CDYL2: variants seen among roughly 807,000 people sequenced by gnomAD.
CDYL2 encodes chromodomain Y like 2.
CDYL2 carries 23 observed loss-of-function variants against 49.4 expected under a neutral mutation model. The ratio of observed to expected loss-of-function variants is 0.47; its 90% CI spans 0.34 to 0.66. CDYL2 has a LOEUF of 0.66. Among genes scored for constraint, CDYL2 ranks in the 30% least tolerant of loss-of-function variants. The pLI is 0.01. For synonymous variants in CDYL2, 360 were observed against 268.8 expected, an observed-to-expected ratio of 1.34 and a Z score of -3.32; for missense variants, 678 against 656.4, an observed-to-expected ratio of 1.03 and a Z score of -0.36.
At chr16:80,724,220 G>C (rs1020713681) in intron 1 of CDYL2, among the ~76,000 whole-genome samples, 3 of 146,860 alleles carry the variant, frequency 2.0e-5, no homozygotes, top group Non-Finnish European at 4.5e-5. Flanking sequence ...AGAAGAAAGA[G>C]GAAGAGGAGG....
chr16:80,729,570 G>A (rs1172313712), intron 1 of CDYL2, among the ~76,000 whole-genome samples: 1 of 151,966 alleles, frequency 6.6e-6, no homozygotes. Context: ...AGGATACCCA[G>A]GAATTGAACT....
At chr16:80,620,686 T>C in intron 4 of CDYL2, 77 bp downstream of exon 4, 1 of 1,357,668 alleles carries the variant, frequency 7.4e-7, no homozygotes, top group African/African-American at 1.5e-5. Flanking sequence ...GAAATTCGAA[T>C]TTAACTGAGC....
intron 1 of CDYL2, among the ~76,000 whole-genome samples, chr16:80,743,399 G>T (rs538868283): frequency 1.3e-5 from 2 of 152,202 alleles, no homozygotes; most frequent in Non-Finnish European, 2.9e-5. Flanking sequence ...TTTATTTGCA[G>T]TCTAAATCTC....
At chr16:80,609,390 T>C (rs184667812) in intron 5 of CDYL2, among the ~76,000 whole-genome samples, 3 of 152,234 alleles carry the variant, frequency 2.0e-5, no homozygotes, top group Admixed American at 6.5e-5. Context: ...TCCAGAGCTA[T>C]GCGTAAGTTC....
intron 2 of CDYL2, among the ~76,000 whole-genome samples, chr16:80,641,091 C>A (rs942466182): frequency 6.6e-6 from 1 of 151,904 alleles, no homozygotes; most frequent in African/African-American, 2.4e-5. Flanking sequence ...TATCAATATC[C>A]AAGTACAAGA....
intron 2 of CDYL2, among the ~76,000 whole-genome samples, chr16:80,656,827 A>G (rs972996047): frequency 1.3e-5 from 2 of 152,148 alleles, no homozygotes; most frequent in Non-Finnish European, 2.9e-5. Flanking sequence ...GGGAGGGAAG[A>G]TGTGGGTTCT....
chr16:80,631,953 G>C (rs1047148979), intron 3 of CDYL2, among the ~76,000 whole-genome samples: 1 of 152,148 alleles, frequency 6.6e-6, no homozygotes, highest in South Asian at 2.1e-4. Context: ...ACGTAAAATG[G>C]GGGACCCACT....
intron 2 of CDYL2, chr16:80,662,848 C>G (rs368425292): frequency 1.9e-4 from 86 of 448,154 alleles, no homozygotes; most frequent in African/African-American, 1.5e-3. Flanking sequence ...TCTCAAATGT[C>G]TGGCTCCCTC....
At chr16:80,706,906 C>G (rs1345714002) in intron 1 of CDYL2, among the ~76,000 whole-genome samples, 2 of 152,158 alleles carry the variant, frequency 1.3e-5, no homozygotes, top group Non-Finnish European at 2.9e-5. Context: ...CCAACTGACT[C>G]AGGTCAATCA....
chr16:80,648,533 G>A (rs1051833501), intron 2 of CDYL2, among the ~76,000 whole-genome samples: 8 of 151,980 alleles, frequency 5.3e-5, no homozygotes, highest in African/African-American at 1.9e-4. Flanking sequence ...AGAAAAGTCT[G>A]GGACCCAATG....
intron 1 of CDYL2, among the ~76,000 whole-genome samples, chr16:80,749,993 C>T (rs1906074795): frequency 6.6e-6 from 1 of 151,820 alleles, no homozygotes; most frequent in Non-Finnish European, 1.5e-5. Context: ...GGACAGAAAA[C>T]CAAACACCAC....
At chr16:80,627,412 A>G (rs931220380) in intron 3 of CDYL2, 2 of 152,282 alleles carry the variant, frequency 1.3e-5, no homozygotes, top group Admixed American at 1.3e-4. Flanking sequence ...GAAAAAATAA[A>G]TAAAAGACCA....
chr16:80,790,276 T>C (rs899761914), intron 1 of CDYL2, among the ~76,000 whole-genome samples: 3 of 152,004 alleles, frequency 2.0e-5, no homozygotes, highest in African/African-American at 2.4e-5. Flanking sequence ...GCTACACAAA[T>C]GCCAAGGGGG....
At chr16:80,606,127 G>A (rs539442875) in intron 6 of CDYL2, among the ~76,000 whole-genome samples, 246 of 152,364 alleles carry the variant, frequency 1.6e-3, no homozygotes, top group Admixed American at 5.0e-3. Flanking sequence ...CAGACTGGGA[G>A]GGGCTGCACC....
chr16:80,636,449 A>G (rs1157430294), intron 2 of CDYL2, among the ~76,000 whole-genome samples: 1 of 152,214 alleles, frequency 6.6e-6, no homozygotes, highest in African/African-American at 2.4e-5. Flanking sequence ...CAAATACATG[A>G]AAAAAAGCTC....
intron 1 of CDYL2, among the ~76,000 whole-genome samples, chr16:80,792,987 G>A (rs1467386300): frequency 6.6e-6 from 1 of 152,200 alleles, no homozygotes; most frequent in Non-Finnish European, 1.5e-5. Context: ...AGAATCAGCT[G>A]AGATCTTAGT....
intron 2 of CDYL2, among the ~76,000 whole-genome samples, chr16:80,669,157 G>A (rs948701999): frequency 6.6e-6 from 1 of 151,762 alleles, no homozygotes; most frequent in Non-Finnish European, 1.5e-5. Flanking sequence ...ATTAACACAA[G>A]CAAAAGTAAA....
chr16:80,766,132 G>T (rs1028251951), intron 1 of CDYL2, among the ~76,000 whole-genome samples: 1 of 151,768 alleles, frequency 6.6e-6, no homozygotes, highest in Non-Finnish European at 1.5e-5. Context: ...TGTTTTTTTT[G>T]AAGGAGAAGG....
chr16:80,714,005 C>A (rs768544566), intron 1 of CDYL2, among the ~76,000 whole-genome samples: 18 of 152,166 alleles, frequency 1.2e-4, no homozygotes, highest in Non-Finnish European at 2.6e-4. Flanking sequence ...AGGTGCCGAA[C>A]ATTGTGGAGG....
Sources: allele counts gnomAD v4.1 joint callset (sites outside exome capture counted in the v4.1 genomes callset), GRCh38; gene constraint gnomAD v4.1.1; transcripts MANE v1.5; gene names NCBI Gene and HGNC (gene_info 2026-07-23, HGNC 2026-07-21).